The following DMD variants were observed in gnomAD, a reference collection of about 807,000 sequenced individuals.
The protein encoded by DMD is mutant dystrophin.
DMD carries 63 observed loss-of-function variants against 330.1 expected under a neutral mutation model. The observed-to-expected ratio is 0.19, with a 90% confidence interval of 0.16 to 0.24. The LOEUF (loss-of-function observed/expected upper bound fraction) is 0.24, where lower values mean the gene tolerates loss of function less well. Among genes scored for constraint, DMD ranks in the 10% least tolerant of loss-of-function variants. DMD has a pLI of 1.00. For missense variants in DMD, 3,344 were observed against 2,684.1 expected (o/e 1.25, Z -5.43); for synonymous variants, 1,223 against 959.8 (o/e 1.27, Z -5.07).
intron 50 of DMD, among the ~76,000 whole-genome samples, chrX:31,814,421 T>G (rs1210729826): frequency 2.3e-5 from 2 of 86,849 alleles, no homozygotes; most frequent in Non-Finnish European, 4.2e-5. Flanking sequence ...AGGCGGAGCT[T>G]GCAGTGAGCC....
chrX:32,724,146 C>T (rs765384868), intron 7 of DMD, among the ~76,000 whole-genome samples: 2 of 111,951 alleles, frequency 1.8e-5, no homozygotes, highest in Admixed American at 9.5e-5. Flanking sequence ...TTGAGGAAAT[C>T]CTTTCAAAAA....
At chrX:32,194,625 G>A (rs2096990507) in intron 44 of DMD, among the ~76,000 whole-genome samples, 2 of 111,270 alleles carry the variant, frequency 1.8e-5, no homozygotes, top group South Asian at 7.5e-4. Context: ...TGCATTTCAT[G>A]TGATACGTAA....
At position 31,223,102 on chromosome X, in the gene DMD, T is replaced by C; in HGVS notation, c.9306A>G (p.Arg3102=). 8.3e-7 allele frequency: 1 copy of C among 1,210,819 alleles called. No homozygotes were observed. Among genetic ancestry groups the C allele is most frequent in the African/African-American group, 1.7e-5 (1 of 57,799 alleles). Residue 3102 remains arginine, a synonymous_variant, in exon 64 of 79, where the codon AGA becomes AGG. Transcript: ENST00000357033. ...YQSLADLNNV[R]FSAYRTAMKL... is the part of the protein sequence containing the mutation. Reference sequence around the variant, plus strand: ...TCATGGCAGTCCTATAAGCTGAGAATCTGACATTATTCAGGTCAGCTGAAA... The same window carrying C: ...TCATGGCAGTCCTATAAGCTGAGAACCTGACATTATTCAGGTCAGCTGAAA...
intron 1 of DMD, among the ~76,000 whole-genome samples, chrX:33,070,665 CTCTCTCTCTA>C (rs1313536049): frequency 1.1e-4 from 5 of 45,882 alleles, no homozygotes; most frequent in African/African-American, 4.6e-4. Context: ...CTCTCTCTCT[CTCTCTCTCTA>C]TATATATATA....
intron 7 of DMD, among the ~76,000 whole-genome samples, chrX:32,807,521 A>T: frequency 9.0e-6 from 1 of 111,570 alleles, no homozygotes; most frequent in African/African-American, 3.3e-5. Flanking sequence ...TTGAGACAGT[A>T]AAATGGTGAT....
chrX:32,619,326 G>A (rs2149372258), intron 11 of DMD, among the ~76,000 whole-genome samples: 1 of 110,776 alleles, frequency 9.0e-6, no homozygotes, highest in East Asian at 2.9e-4. Context: ...GGAAGGGGGA[G>A]GTATGGAGAT....
chrX:31,640,286 C>T (rs764417391), intron 54 of DMD, among the ~76,000 whole-genome samples: 3 of 112,338 alleles, frequency 2.7e-5, no homozygotes, highest in South Asian at 7.3e-4. Context: ...CTAGGGAATA[C>T]GTTTACATTT....
chrX:32,578,440 G>A (rs2053302315), intron 13 of DMD, among the ~76,000 whole-genome samples: 1 of 111,920 alleles, frequency 8.9e-6, no homozygotes, highest in Admixed American at 9.5e-5. Context: ...ACATTTTCAT[G>A]GACTAAATCA....
chrX:32,218,109 T>C (rs1342735395), intron 43 of DMD, among the ~76,000 whole-genome samples: 1 of 111,454 alleles, frequency 9.0e-6, no homozygotes, highest in Admixed American at 9.6e-5. Flanking sequence ...AGAAATAATA[T>C]GAACCAGGGC....
intron 52 of DMD, among the ~76,000 whole-genome samples, chrX:31,721,718 C>CTCTATATA (rs1227959078): frequency 5.7e-4 from 32 of 56,463 alleles, no homozygotes; most frequent in African/African-American, 1.6e-3. Flanking sequence ...CTCTCTCTCT[C>CTCTATATA]TATATATATA....
intron 62 of DMD, among the ~76,000 whole-genome samples, chrX:31,300,781 T>C (rs1483857209): frequency 8.9e-6 from 1 of 112,208 alleles, no homozygotes; most frequent in Non-Finnish European, 1.9e-5. Flanking sequence ...ATTTTTGTTA[T>C]GACACGGAAA....
intron 49 of DMD, among the ~76,000 whole-genome samples, chrX:31,830,282 G>C (rs1219109083): frequency 8.9e-6 from 1 of 112,814 alleles, no homozygotes; most frequent in African/African-American, 3.2e-5. Flanking sequence ...GAATATGTTA[G>C]TCTATTGGGA....
chrX:32,629,701 T>C (rs1436222657), intron 11 of DMD, among the ~76,000 whole-genome samples: 1 of 110,471 alleles, frequency 9.1e-6, no homozygotes, highest in Non-Finnish European at 1.9e-5. Flanking sequence ...CATTATTTGA[T>C]TTGTGGTAAC....
At chrX:32,682,796 G>T (rs1272693971) in intron 9 of DMD, among the ~76,000 whole-genome samples, 1 of 111,856 alleles carries the variant, frequency 8.9e-6, no homozygotes, top group Non-Finnish European at 1.9e-5. Flanking sequence ...CATGTAACTA[G>T]TTGTGCTCGT....
intron 51 of DMD, among the ~76,000 whole-genome samples, chrX:31,741,432 C>G (rs1263744699): frequency 8.9e-6 from 1 of 111,853 alleles, no homozygotes; most frequent in African/African-American, 3.2e-5. Context: ...GAAGTGACTT[C>G]TTGATCCAAG....
At chrX:31,941,303 G>A (rs1051482396) in intron 45 of DMD, among the ~76,000 whole-genome samples, 4 of 111,405 alleles carry the variant, frequency 3.6e-5, no homozygotes, top group Non-Finnish European at 5.7e-5. Context: ...TTTTCCCTTC[G>A]CAGACATTCA....
At chrX:33,031,285 C>G (rs774705914) in intron 1 of DMD, among the ~76,000 whole-genome samples, 3 of 98,508 alleles carry the variant, frequency 3.0e-5, no homozygotes, top group Non-Finnish European at 6.0e-5. Flanking sequence ...GGACAGAAGT[C>G]TATGTATTAA....
chrX:32,785,569 T>G (rs922373944), intron 7 of DMD, among the ~76,000 whole-genome samples: 5 of 111,642 alleles, frequency 4.5e-5, no homozygotes, highest in African/African-American at 1.3e-4. Flanking sequence ...CATTTCTGTT[T>G]ATGATGAATG....
intron 60 of DMD, among the ~76,000 whole-genome samples, chrX:31,420,037 C>T (rs2063279574): frequency 8.9e-6 from 1 of 112,158 alleles, no homozygotes; most frequent in Non-Finnish European, 1.9e-5. Context: ...CAACTTAACC[C>T]AGTTTTATTT....
Sources: allele counts gnomAD v4.1 joint callset (sites outside exome capture counted in the v4.1 genomes callset), GRCh38; gene constraint gnomAD v4.1.1; transcripts MANE v1.5; gene names NCBI Gene and HGNC (gene_info 2026-07-23, HGNC 2026-07-21).